Variants in ADCY9 observed in about 807,000 individuals in gnomAD.
The protein encoded by ADCY9 is adenylate cyclase 9.
Under a neutral mutation model 101.5 loss-of-function variants are expected in ADCY9, and 50 were observed. The ratio of observed to expected loss-of-function variants is 0.49; its 90% CI spans 0.39 to 0.62. ADCY9 has a LOEUF of 0.62. ADCY9 is among the 20% of genes least tolerant of loss of function. ADCY9 has a pLI of 0.00. For synonymous variants in ADCY9, 905 were observed against 769.3 expected (o/e 1.18, Z -2.92); for missense variants, 1,662 against 1,800.4 (o/e 0.92, Z 1.39).
At chr16:4,036,607 C>T (rs771238811) in intron 2 of ADCY9, among the ~76,000 whole-genome samples, 7 of 151,560 alleles carry the variant, frequency 4.6e-5, no homozygotes, top group Non-Finnish European at 1.0e-4. Context: ...GGATTACAGG[C>T]ACCCACCAAC....
At chr16:4,110,537 A>C (rs383422) in intron 2 of ADCY9, among the ~76,000 whole-genome samples, 1 of 151,846 alleles carries the variant, frequency 6.6e-6, no homozygotes, top group Non-Finnish European at 1.5e-5. Flanking sequence ...TTACAGGCGC[A>C]CACCACCACA....
chr16:4,076,720 A>G (rs1331324230), intron 2 of ADCY9, among the ~76,000 whole-genome samples: 1 of 152,232 alleles, frequency 6.6e-6, no homozygotes, highest in Non-Finnish European at 1.5e-5. Flanking sequence ...AATGGCATCA[A>G]TAATTTTTTT....
intron 2 of ADCY9, among the ~76,000 whole-genome samples, chr16:4,010,503 T>A (rs144105608): frequency 6.6e-6 from 1 of 152,340 alleles, no homozygotes; most frequent in East Asian, 1.9e-4. Context: ...GATTACTGAG[T>A]CACTCTTAAT....
intron 2 of ADCY9, among the ~76,000 whole-genome samples, chr16:4,035,998 CA>C (rs55792873): frequency 0.041 from 954 of 23,022 alleles, 1 homozygote; most frequent in African/African-American, 0.15. Context: ...AACTCCATCT[CA>C]AAAAAAAAAA....
At chr16:4,028,100 G>T (rs1201864210) in intron 2 of ADCY9, among the ~76,000 whole-genome samples, 1 of 152,048 alleles carries the variant, frequency 6.6e-6, no homozygotes, top group African/African-American at 2.4e-5. Context: ...TTTGGGGGGT[G>T]ATTAAACTGT....
intron 2 of ADCY9, among the ~76,000 whole-genome samples, chr16:4,111,881 C>T (rs1417546193): frequency 6.7e-6 from 1 of 149,342 alleles, no homozygotes; most frequent in East Asian, 1.9e-4. Flanking sequence ...GTCTGAGACC[C>T]CTGATCTACA....
chr16:4,050,238 G>C (rs912942677), intron 2 of ADCY9, among the ~76,000 whole-genome samples: 12 of 152,148 alleles, frequency 7.9e-5, no homozygotes, highest in African/African-American at 2.9e-4. Context: ...GCACAGCCAA[G>C]GAAAGGGGAG....
In ADCY9 at chr16:4,099,669, G is replaced by A. The variant is rs779239018; in HGVS notation, c.1693+14081C>T. 2.6e-5 allele frequency among the ~76,000 whole-genome samples: 4 copies of A among 152,196 alleles called. No individual in the cohort carries two copies. In the South Asian group the frequency reaches 6.2e-4, roughly 24 times the overall value. Reference sequence around the variant, plus strand: ...GGACAATCTGAGCATCAAAAATCATGTATCTGTAATGGAATGAAATACATC... The same window carrying A: ...GGACAATCTGAGCATCAAAAATCATATATCTGTAATGGAATGAAATACATC... On this transcript the variant is annotated intron_variant, in intron 2 of 10. Transcript: ENST00000294016.
At chr16:3,997,488 C>T (rs1278467713) in intron 3 of ADCY9, among the ~76,000 whole-genome samples, 1 of 152,250 alleles carries the variant, frequency 6.6e-6, no homozygotes, top group African/African-American at 2.4e-5. Context: ...GGCCTGCACC[C>T]TGCAGTGATA....
At chr16:4,007,113 T>A (rs2056371796) in intron 3 of ADCY9, among the ~76,000 whole-genome samples, 1 of 151,988 alleles carries the variant, frequency 6.6e-6, no homozygotes. Flanking sequence ...GAAGAGAAAA[T>A]AACTAATAAT....
Position 4,063,294 on chromosome 16 carries a change from G to A in ADCY9, c.1693+50456C>T, listed in dbSNP as rs118088411. Among the ~76,000 whole-genome samples the A allele has an allele frequency of 9.2e-3, 1,396 of 152,060 alleles. 15 individuals carry two copies. Among genetic ancestry groups the A allele is most frequent in the Non-Finnish European group, 0.016 (1,082 of 67,986 alleles). On this transcript the variant is annotated intron_variant, in intron 2 of 10. Coordinates refer to ENST00000294016, the MANE Select transcript of ADCY9 (RefSeq NM_001116.4). The stretch of plus-strand genomic sequence containing the variant: ...GGGAAGTTTAAAAATACTTCAAACT[G>A]GATGAAAAGAAAAACACAGCAGATC...
At chr16:4,009,771 C>A (rs375962041) in intron 2 of ADCY9, among the ~76,000 whole-genome samples, 3 of 152,330 alleles carry the variant, frequency 2.0e-5, no homozygotes, top group East Asian at 3.9e-4. Context: ...GACTTTGTAA[C>A]TTCACTTTGC....
intron 7 of ADCY9, among the ~76,000 whole-genome samples, chr16:3,980,239 G>A (rs879580538): frequency 4.6e-5 from 7 of 152,080 alleles, no homozygotes; most frequent in Admixed American, 1.3e-4. Context: ...TTTTGCAGGC[G>A]TGTGTCTAGC....
At chr16:3,975,332 G>C (rs2056084816) in intron 9 of ADCY9, among the ~76,000 whole-genome samples, 1 of 152,140 alleles carries the variant, frequency 6.6e-6, no homozygotes, top group Admixed American at 6.5e-5. Context: ...AGTACTGAAT[G>C]ACAGTCCTAT....
chr16:4,084,947 C>T (rs1308310600), intron 2 of ADCY9, among the ~76,000 whole-genome samples: 2 of 152,054 alleles, frequency 1.3e-5, no homozygotes, highest in Non-Finnish European at 2.9e-5. Flanking sequence ...TAGCTACAGC[C>T]AAATAAAGTA....
chr16:4,024,006 T>C (rs568969236), intron 2 of ADCY9, among the ~76,000 whole-genome samples: 23 of 152,276 alleles, frequency 1.5e-4, no homozygotes, highest in Non-Finnish European at 2.4e-4. Flanking sequence ...TTTCTTATTT[T>C]GCATTTTAAT....
intron 3 of ADCY9, among the ~76,000 whole-genome samples, chr16:3,994,766 C>T (rs969516087): frequency 2.6e-5 from 4 of 152,040 alleles, no homozygotes; most frequent in African/African-American, 9.7e-5. Flanking sequence ...CCAAAAAGAT[C>T]GATTTTATAG....
In ADCY9 at chr16:4,097,613, G is replaced by T. The variant is rs2057016858; in HGVS notation, c.1693+16137C>A. Reference sequence around the variant, plus strand: ...CTGTCATCCAGGCTGGAGTGCAGGGGCGCAATCTCAGCAACCTCCATCTCC... The same window carrying T: ...CTGTCATCCAGGCTGGAGTGCAGGGTCGCAATCTCAGCAACCTCCATCTCC... On this transcript the variant is annotated intron_variant, in intron 2 of 10. Transcript: ENST00000294016. Among the ~76,000 whole-genome samples the T allele has an allele frequency of 2.8e-5, 4 of 141,618 alleles. No homozygotes were observed. In the South Asian group the frequency reaches 9.0e-4, roughly 32 times the overall value. The allele number at this position is 141,618 out of a possible 152,430, so 92.9% of individuals were successfully genotyped here. A position where few individuals can be genotyped will look rare whatever the true frequency, so the allele number is the denominator to read the frequency against.
intron 2 of ADCY9, among the ~76,000 whole-genome samples, chr16:4,061,500 C>T (rs975356526): frequency 2.0e-5 from 3 of 152,068 alleles, no homozygotes; most frequent in African/African-American, 7.2e-5. Context: ...GGAGCACTAC[C>T]ATAAGATTAA....
Sources: allele counts gnomAD v4.1 joint callset (sites outside exome capture counted in the v4.1 genomes callset), GRCh38; gene constraint gnomAD v4.1.1; transcripts MANE v1.5; gene names NCBI Gene and HGNC (gene_info 2026-07-23, HGNC 2026-07-21).